PAMR1: variants seen among roughly 807,000 people sequenced by gnomAD.
PAMR1 encodes the protein inactive serine protease PAMR1.
Under a neutral mutation model 81.8 loss-of-function variants are expected in PAMR1, and 88 were observed. That is an observed-to-expected ratio of 1.08 (90% confidence interval 0.91 to 1.28). PAMR1 has a LOEUF of 1.28. Ranked by LOEUF, PAMR1 falls within the 50% of genes most tolerant of loss-of-function variation. The pLI is 0.00. For missense variants in PAMR1, 935 were observed against 919.7 expected (o/e 1.02, Z -0.21); for synonymous variants, 336 against 345.3 (o/e 0.97, Z 0.30).
chr11:35,521,429 G>C (rs947956921), intron 1 of PAMR1, among the ~76,000 whole-genome samples: 1 of 152,148 alleles, frequency 6.6e-6, no homozygotes, highest in African/African-American at 2.4e-5. Context: ...ATGCTAGTAA[G>C]GATTAGCAGG....
intron 1 of PAMR1, among the ~76,000 whole-genome samples, chr11:35,509,130 AT>A (rs1180132830): frequency 6.6e-6 from 1 of 152,188 alleles, no homozygotes; most frequent in Non-Finnish European, 1.5e-5. Context: ...GGTTTGGATG[AT>A]TTTGTAACTT....
At chr11:35,476,860 C>T (rs1212953254) in intron 3 of PAMR1, among the ~76,000 whole-genome samples, 1 of 151,958 alleles carries the variant, frequency 6.6e-6, no homozygotes, top group Non-Finnish European at 1.5e-5. Flanking sequence ...CTGCTTGTCC[C>T]CACTGCCCTA....
chr11:35,523,829 A>G (rs890451717), intron 1 of PAMR1, among the ~76,000 whole-genome samples: 1 of 152,214 alleles, frequency 6.6e-6, no homozygotes, highest in African/African-American at 2.4e-5. Flanking sequence ...TTAGCTACCA[A>G]CAAACTGCGT....
intron 7 of PAMR1, 147 bp downstream of exon 7, chr11:35,441,334 G>A: frequency 1.5e-6 from 1 of 652,668 alleles, no homozygotes; most frequent in South Asian, 2.0e-5. Context: ...TTTTTAGGAT[G>A]GTTTCCAACC....
intron 2 of PAMR1, among the ~76,000 whole-genome samples, chr11:35,492,729 A>G (rs1176214051): frequency 6.6e-6 from 1 of 152,190 alleles, no homozygotes; most frequent in Non-Finnish European, 1.5e-5. Flanking sequence ...GCCATTGGAA[A>G]CAACTCTCCT....
chr11:35,441,603 T>C lies in PAMR1; in HGVS notation c.911A>G (p.His304Arg). The change falls in exon 7 of 11, where the codon CAT becomes CGT. Residue 304 changes from histidine to arginine, a missense_variant. Physicochemically the swap from His to Arg is conservative, Grantham distance 29. Coordinates refer to ENST00000619888, the MANE Select transcript of PAMR1 (RefSeq NM_001001991.3). The stretch of plus-strand genomic sequence containing the variant: ...AGACACCACGGTGCCAATTTTAGCA[T>C]GGCGTCCGTTGATAAGCCCAGGGCC... ...TGGPGLINGR[H>R]AKIGTVVSFF... The C allele has an allele frequency of 1.2e-6, 2 of 1,614,090 alleles. No homozygotes were observed. Among genetic ancestry groups the C allele is most frequent in the Non-Finnish European group, 1.7e-6 (2 of 1,179,946 alleles).
rs542686849 is a variant in PAMR1 at position 35,494,327 on chromosome 11, C to G, written c.74-55G>C. ...GGTCCTGGCAGGGAGTGGTAAGACTCTTTGTTTGTTTGTTTGTTTGTTTTG... is the reference window on the plus strand; with the variant it reads ...GGTCCTGGCAGGGAGTGGTAAGACTGTTTGTTTGTTTGTTTGTTTGTTTTG... On this transcript the variant is annotated intron_variant, in intron 1 of 10. Coordinates refer to ENST00000619888, the MANE Select transcript of PAMR1 (RefSeq NM_001001991.3). 1.7e-5 allele frequency: 24 copies of G among 1,448,832 alleles called. No individual in the cohort carries two copies. The South Asian group carries it at 2.7e-4, about 16-fold the overall frequency. The allele number at this position is 1,448,832 out of a possible 1,614,324, so 89.7% of individuals were successfully genotyped here.
intron 10 of PAMR1, among the ~76,000 whole-genome samples, chr11:35,434,078 C>A (rs115406590): frequency 2.2e-3 from 333 of 152,310 alleles, no homozygotes; most frequent in African/African-American, 7.3e-3. Flanking sequence ...GAGCCAGGCA[C>A]TGTGCCACAC....
chr11:35,460,884 C>A lies in PAMR1; in HGVS notation c.820+7117G>T, dbSNP rs148763904. Among the ~76,000 whole-genome samples, 1,096 of 152,244 alleles carry A rather than the reference C, an allele frequency of 7.2e-3. 13 individuals carry two copies. The highest frequency in any genetic ancestry group is 0.024 in the African/African-American group (1,013 of 41,532). On this transcript the variant is annotated intron_variant, in intron 6 of 10. Coordinates refer to ENST00000619888, the MANE Select transcript of PAMR1 (RefSeq NM_001001991.3). ...TTCTAGTTCTAGATCCCTGAGGAAT[C>A]GCCACACTCTTCCACAATGGTTGAA...
At chr11:35,438,577 G>A (rs1228963316) in intron 8 of PAMR1, among the ~76,000 whole-genome samples, 1 of 152,172 alleles carries the variant, frequency 6.6e-6, no homozygotes, top group African/African-American at 2.4e-5. Context: ...TCATTCATTC[G>A]ATAAATACTT....
upstream of PAMR1, chr11:35,525,867 G>T: frequency 1.9e-6 from 1 of 533,482 alleles, no homozygotes; most frequent in Middle Eastern, 5.0e-4. Flanking sequence ...GGAAGCTGCG[G>T]GGGAGGGAGG....
At chr11:35,448,640 T>C (rs1287855633) in intron 6 of PAMR1, among the ~76,000 whole-genome samples, 1 of 152,234 alleles carries the variant, frequency 6.6e-6, no homozygotes. Context: ...CCTACTTCTG[T>C]CAATTAATCC....
chr11:35,492,430 A>G (rs1850648401), intron 2 of PAMR1, among the ~76,000 whole-genome samples: 1 of 152,116 alleles, frequency 6.6e-6, no homozygotes, highest in Admixed American at 6.6e-5. Flanking sequence ...AGTAACATGA[A>G]ATTGCCTGCA....
chr11:35,523,063 G>A (rs904509202), intron 1 of PAMR1, among the ~76,000 whole-genome samples: 1 of 152,146 alleles, frequency 6.6e-6, no homozygotes, highest in Non-Finnish European at 1.5e-5. Flanking sequence ...CTCTCAGATT[G>A]TATATTAGGG....
intron 1 of PAMR1, among the ~76,000 whole-genome samples, chr11:35,497,366 C>T (rs1314839141): frequency 6.6e-6 from 1 of 152,022 alleles, no homozygotes; most frequent in Non-Finnish European, 1.5e-5. Flanking sequence ...GCAATATCTA[C>T]AATAGGCAAA....
chr11:35,452,046 C>T (rs143004769), intron 6 of PAMR1: 3 of 464,618 alleles, frequency 6.5e-6, no homozygotes, highest in Non-Finnish European at 1.1e-5. Context: ...AAGAGAAATA[C>T]AGACAATAGA....
At chr11:35,502,585 T>C (rs975771736) in intron 1 of PAMR1, among the ~76,000 whole-genome samples, 1 of 152,222 alleles carries the variant, frequency 6.6e-6, no homozygotes, top group Non-Finnish European at 1.5e-5. Flanking sequence ...GCAAAGGACA[T>C]GATCTCGTTC....
chr11:35,447,379 A>AT (rs1856318628), intron 6 of PAMR1, among the ~76,000 whole-genome samples: 1 of 151,092 alleles, frequency 6.6e-6, no homozygotes, highest in African/African-American at 2.4e-5. Context: ...ATTTTTTTCT[A>AT]TTTTTTAGTG....
At chr11:35,477,883 G>T (rs561091108) in intron 3 of PAMR1, among the ~76,000 whole-genome samples, 5 of 152,042 alleles carry the variant, frequency 3.3e-5, no homozygotes, top group Non-Finnish European at 7.4e-5. Flanking sequence ...TGAAATGCAC[G>T]TTCCTTCTCT....
Sources: allele counts gnomAD v4.1 joint callset (sites outside exome capture counted in the v4.1 genomes callset), GRCh38; gene constraint gnomAD v4.1.1; transcripts MANE v1.5; gene names NCBI Gene and HGNC (gene_info 2026-07-23, HGNC 2026-07-21).